ITGB8: variants seen among roughly 807,000 people sequenced by gnomAD.
ITGB8 encodes the protein integrin beta-8.
Under a neutral mutation model 89.5 loss-of-function variants are expected in ITGB8, and 30 were observed. That is an observed-to-expected ratio of 0.34 (90% CI 0.25 to 0.45). The LOEUF (loss-of-function observed/expected upper bound fraction) is 0.45, where lower values mean the gene tolerates loss of function less well. Among genes scored for constraint, ITGB8 ranks in the 20% least tolerant of loss-of-function variants. The pLI, the probability that ITGB8 is intolerant of heterozygous loss-of-function variation, is 1.00. For missense variants in ITGB8, 836 were observed against 933.3 expected (o/e 0.90, Z 1.36); for synonymous variants, 335 against 320.4 (o/e 1.05, Z -0.49).
At position 20,415,407 on chromosome 7, in the gene ITGB8, T is replaced by C. The variant is rs996222233; in HGVS notation, c.*5410T>C. On this transcript the variant is annotated 3_prime_UTR_variant, in exon 14 of 14. Coordinates refer to ENST00000222573, the MANE Select transcript of ITGB8 (RefSeq NM_002214.3). ...TATTTTTAAATTAAATATTTGAATA[T>C]AAAATAGCTCTAAGAAAGAAGCAAA... 3.3e-5 allele frequency: 5 copies of C among 152,392 alleles called. No individual in the cohort carries two copies. The highest frequency in any genetic ancestry group is 9.6e-5 in the African/African-American group (4 of 41,560). 9.4% of individuals were successfully genotyped at this position (152,392 alleles called of 1,614,324 possible). A position where few individuals can be genotyped will look rare whatever the true frequency, so the allele number is the denominator to read the frequency against.
intron 6 of ITGB8, 39 bp downstream of exon 6, chr7:20,381,924 T>C (rs768397222): frequency 6.5e-7 from 1 of 1,536,240 alleles, no homozygotes; most frequent in Admixed American, 2.0e-5. Flanking sequence ...ATGACTCTTT[T>C]GGTTAAAGTA....
chr7:20,380,734 C>T lies in ITGB8; in HGVS notation c.704C>T (p.Thr235Ile). 1.2e-6 allele frequency: 2 copies of T among 1,613,220 alleles called. No individual in the cohort carries two copies. Among genetic ancestry groups the T allele is most frequent in the East Asian group, 2.2e-5 (1 of 44,876 alleles). Residue 235 changes from threonine to isoleucine, a missense_variant, in exon 5 of 14, where the codon ACT (threonine) becomes ATT (isoleucine). Physicochemically the swap from Thr to Ile is moderately conservative, Grantham distance 89. Transcript: ENST00000222573. ...IHVLSLTENI[T>I]EFEKAVHRQK... ...GTGCTGTCTTTGACAGAGAACATCA[C>T]TGAGTTTGAGAAAGCAGTTCATAGA...
chr7:20,391,646 C>T (rs1786863097), intron 7 of ITGB8, 148 bp downstream of exon 7: 1 of 474,390 alleles, frequency 2.1e-6, no homozygotes, highest in African/African-American at 2.0e-5. Context: ...GTATCCTTTA[C>T]AATGTCTTAA....
intron 3 of ITGB8, among the ~76,000 whole-genome samples, chr7:20,369,679 T>A (rs903245844): frequency 5.9e-5 from 9 of 152,230 alleles, no homozygotes; most frequent in African/African-American, 2.2e-4. Flanking sequence ...CAAAAGCCCA[T>A]GGAATATTTT....
chr7:20,357,942 G>A (rs1785355330), intron 1 of ITGB8, among the ~76,000 whole-genome samples: 1 of 151,838 alleles, frequency 6.6e-6, no homozygotes, highest in African/African-American at 2.4e-5. Flanking sequence ...GGTTTTTTTT[G>A]TTATCGTTGT....
At chr7:20,345,317 T>C (rs1784886692) in intron 1 of ITGB8, among the ~76,000 whole-genome samples, 2 of 152,076 alleles carry the variant, frequency 1.3e-5, no homozygotes, top group South Asian at 4.1e-4. Context: ...ATTCAAAGTA[T>C]GAAAACATTA....
intron 9 of ITGB8, among the ~76,000 whole-genome samples, chr7:20,400,588 A>G (rs1214203653): frequency 6.6e-6 from 1 of 152,208 alleles, no homozygotes; most frequent in Non-Finnish European, 1.5e-5. Flanking sequence ...CGTGAAAGAA[A>G]TATACCTTCT....
intron 3 of ITGB8, among the ~76,000 whole-genome samples, chr7:20,374,267 C>T (rs142670546): frequency 5.9e-5 from 9 of 152,160 alleles, no homozygotes; most frequent in African/African-American, 2.2e-4. Flanking sequence ...AAATGTTGAA[C>T]CAAAATGTGC....
chr7:20,381,867 T>C lies in ITGB8; in HGVS notation c.942T>C (p.Tyr314=), dbSNP rs2230398. 664,748 of 1,611,772 alleles carry C rather than the reference T, an allele frequency of 0.41. 140,550 individuals carry two copies. The highest frequency in any genetic ancestry group is 0.43 in the Non-Finnish European group (510,072 of 1,178,872). ...DGNCHLKNNV[Y]VKSTTMEHPS... ...ACTGTCATCTGAAAAACAACGTCTA[T>C]GTCAAATCGACAACCATGGTAATGC... Residue 314 remains tyrosine (Y), a synonymous_variant, in exon 6 of 14, where the codon TAT becomes TAC. Transcript: ENST00000222573.
intron 6 of ITGB8, among the ~76,000 whole-genome samples, chr7:20,389,783 C>T (rs947638288): frequency 3.3e-5 from 5 of 151,914 alleles, no homozygotes; most frequent in Admixed American, 3.3e-4. Flanking sequence ...TAAGATTATG[C>T]CTTTCATTAG....
At chr7:20,352,793 T>C (rs1286153440) in intron 1 of ITGB8, 1 of 152,252 alleles carries the variant, frequency 6.6e-6, no homozygotes, top group Non-Finnish European at 1.5e-5. Flanking sequence ...TCAGTTTTCC[T>C]GAGGAGTTTC....
At chr7:20,336,993 G>C (rs1784598959) in intron 1 of ITGB8, among the ~76,000 whole-genome samples, 1 of 152,156 alleles carries the variant, frequency 6.6e-6, no homozygotes, top group African/African-American at 2.4e-5. Flanking sequence ...CACCATAAAG[G>C]ACACTTGTTT....
intron 10 of ITGB8, among the ~76,000 whole-genome samples, chr7:20,402,381 C>T (rs891783942): frequency 3.3e-5 from 5 of 152,122 alleles, no homozygotes; most frequent in Non-Finnish European, 7.3e-5. Context: ...CTCATGCTTT[C>T]CTTGATCTTG....
chr7:20,403,076 G>A (rs1240159052), intron 10 of ITGB8, among the ~76,000 whole-genome samples: 1 of 152,150 alleles, frequency 6.6e-6, no homozygotes. Context: ...AAAAATAAAT[G>A]CTATAATGTA....
At chr7:20,408,176 AG>A (rs1787620846) in intron 12 of ITGB8, among the ~76,000 whole-genome samples, 1 of 152,180 alleles carries the variant, frequency 6.6e-6, no homozygotes, top group South Asian at 2.1e-4. Flanking sequence ...AGGAAATGAC[AG>A]TCTGTCAGAA....
At chr7:20,332,113 T>G in intron 1 of ITGB8, 180 bp downstream of exon 1, 4 of 1,317,168 alleles carry the variant, frequency 3.0e-6, no homozygotes, top group Non-Finnish European at 4.0e-6. Context: ...TGTCAAGCAT[T>G]TCTGCCCTGG....
chr7:20,390,909 C>T (rs1786827889), intron 6 of ITGB8, among the ~76,000 whole-genome samples: 1 of 151,750 alleles, frequency 6.6e-6, no homozygotes, highest in African/African-American at 2.4e-5. Context: ...TGTTATATAA[C>T]TATATCATGT....
At chr7:20,370,318 T>C (rs1196539870) in intron 3 of ITGB8, among the ~76,000 whole-genome samples, 2 of 151,608 alleles carry the variant, frequency 1.3e-5, no homozygotes, top group African/African-American at 4.8e-5. Flanking sequence ...AAATCTATAA[T>C]AAACTGTTTA....
chr7:20,391,879 T>C (rs1255572672), intron 7 of ITGB8, among the ~76,000 whole-genome samples: 1 of 152,196 alleles, frequency 6.6e-6, no homozygotes, highest in East Asian at 1.9e-4. Flanking sequence ...GAGCATATCC[T>C]CATAATAGGT....
Sources: allele counts gnomAD v4.1 joint callset (sites outside exome capture counted in the v4.1 genomes callset), GRCh38; gene constraint gnomAD v4.1.1; transcripts MANE v1.5; gene names NCBI Gene and HGNC (gene_info 2026-07-23, HGNC 2026-07-21).